GLI2: variants seen among roughly 807,000 people sequenced by gnomAD.
GLI2 encodes GLI family zinc finger 2.
Under a neutral mutation model 78.9 loss-of-function variants are expected in GLI2, and 22 were observed. The ratio of observed to expected loss-of-function variants is 0.28; its 90% confidence interval spans 0.20 to 0.40. GLI2 has a LOEUF of 0.40. GLI2 is among the 10% of genes least tolerant of loss of function. GLI2 has a pLI of 1.00. For missense variants in GLI2, 2,097 were observed against 2,213.2 expected (o/e 0.95, Z 1.05); for synonymous variants, 974 against 963.7 (o/e 1.01, Z -0.20).
chr2:120,790,513 G>T (rs1684119980), intron 1 of GLI2, among the ~76,000 whole-genome samples: 1 of 152,208 alleles, frequency 6.6e-6, no homozygotes, highest in Non-Finnish European at 1.5e-5. Flanking sequence ...ATCCCTGGCT[G>T]GAGTGGTGGA....
At chr2:120,953,857 A>G (rs1681110786) in intron 4 of GLI2, among the ~76,000 whole-genome samples, 1 of 152,192 alleles carries the variant, frequency 6.6e-6, no homozygotes, top group Non-Finnish European at 1.5e-5. Flanking sequence ...TCTCTAAAAA[A>G]AAATTTTAAA....
At chr2:120,753,456 C>T (rs1682939737) in intron 1 of GLI2, among the ~76,000 whole-genome samples, 1 of 152,124 alleles carries the variant, frequency 6.6e-6, no homozygotes, top group Non-Finnish European at 1.5e-5. Context: ...TTTCAATTTT[C>T]ATTTTTTAGC....
intron 2 of GLI2, among the ~76,000 whole-genome samples, chr2:120,870,160 G>A (rs539371032): frequency 1.1e-4 from 17 of 152,284 alleles, no homozygotes; most frequent in Non-Finnish European, 1.0e-4. Flanking sequence ...CACCTGGCCT[G>A]CCACACCCAG....
At chr2:120,798,486 G>C (rs538428932) in intron 2 of GLI2, among the ~76,000 whole-genome samples, 1 of 152,330 alleles carries the variant, frequency 6.6e-6, no homozygotes, top group East Asian at 1.9e-4. Context: ...TCTACGAGTG[G>C]ACCTGAGGGC....
intron 2 of GLI2, among the ~76,000 whole-genome samples, chr2:120,876,028 C>T (rs1325604713): frequency 6.6e-6 from 1 of 152,190 alleles, no homozygotes; most frequent in Non-Finnish European, 1.5e-5. Context: ...AAGTTAAAGC[C>T]ATGCCAAATG....
chr2:120,938,315 A>C (rs1458996621), intron 3 of GLI2, among the ~76,000 whole-genome samples: 2 of 151,958 alleles, frequency 1.3e-5, no homozygotes, highest in Non-Finnish European at 1.5e-5. Flanking sequence ...GCTAGGAAAA[A>C]CGTCTCCCTG....
chr2:120,873,606 T>C (rs1475909102), intron 2 of GLI2, among the ~76,000 whole-genome samples: 1 of 152,202 alleles, frequency 6.6e-6, no homozygotes, highest in Non-Finnish European at 1.5e-5. Flanking sequence ...AGTTTTGACT[T>C]TGCAGACCCC....
In GLI2 at chr2:120,785,251, C is replaced by T. The variant is rs185912966; in HGVS notation, c.-30-12040C>T. 3.6e-3 allele frequency among the ~76,000 whole-genome samples: 547 copies of T among 152,200 alleles called. 3 individuals are homozygous for T. Among genetic ancestry groups the T allele is most frequent in the African/African-American group, 0.013 (523 of 41,550 alleles). The stretch of plus-strand genomic sequence containing the variant: ...TGGGAGAGACTGGACCAGGCAGGAG[C>T]GAGGCTTATCCAGGGCCGGCTTAGC... On this transcript the variant is annotated intron_variant, in intron 1 of 13. Transcript: ENST00000361492.
chr2:120,985,119 C>T (rs1299789712), intron 12 of GLI2, among the ~76,000 whole-genome samples: 1 of 152,224 alleles, frequency 6.6e-6, no homozygotes, highest in Non-Finnish European at 1.5e-5. Flanking sequence ...ACCCCTCTGG[C>T]GTCCACTCCT....
intron 2 of GLI2, among the ~76,000 whole-genome samples, chr2:120,912,157 A>C (rs963163364): frequency 6.6e-6 from 1 of 152,174 alleles, no homozygotes; most frequent in Non-Finnish European, 1.5e-5. Context: ...CGGCCCCGAA[A>C]CACATTGTAT....
intron 1 of GLI2, among the ~76,000 whole-genome samples, chr2:120,790,178 T>C (rs79617063): frequency 6.6e-6 from 1 of 152,148 alleles, no homozygotes; most frequent in South Asian, 2.1e-4. Context: ...CACAGCCTAC[T>C]GGGTACCAGG....
rs1381866348 is a variant in GLI2, at chr2:120,787,468, T to TACTAAGG, written c.-30-9823_-30-9822insACTAAGG. Among the ~76,000 whole-genome samples the TACTAAGG allele has an allele frequency of 4.6e-5, 7 of 152,184 alleles. No individual in the cohort carries two copies. The South Asian group carries it at 1.5e-3, about 32-fold the overall frequency. ...GATTAAGGGGGCCTTGGCATGGGTCTGGGTGCCTGTGGCTCCCGTGTGCCA... is the reference window on the plus strand; with the variant it reads ...GATTAAGGGGGCCTTGGCATGGGTCTACTAAGGGGGTGCCTGTGGCTCCCGTGTGCCA... On this transcript the variant is annotated intron_variant, in intron 1 of 13. Transcript: ENST00000361492.
chr2:120,885,805 C>A (rs1677366098), intron 2 of GLI2, among the ~76,000 whole-genome samples: 1 of 152,198 alleles, frequency 6.6e-6, no homozygotes, highest in South Asian at 2.1e-4. Flanking sequence ...CTGCTAGCAC[C>A]AAACTCCCCT....
At chr2:120,736,349 G>C (rs181770149) in intron 1 of GLI2, 64 bp downstream of exon 1, 1 of 152,204 alleles carries the variant, frequency 6.6e-6, no homozygotes, top group African/African-American at 2.4e-5. Context: ...CCTCGGCCAA[G>C]CGCGGGCCGA....
intron 2 of GLI2, among the ~76,000 whole-genome samples, chr2:120,904,202 C>A (rs1573571399): frequency 6.6e-6 from 1 of 152,164 alleles, no homozygotes; most frequent in Non-Finnish European, 1.5e-5. Context: ...CTGGAAAGAG[C>A]ATTTGGAACA....
At chr2:120,924,441 C>T (rs932485442) in intron 2 of GLI2, among the ~76,000 whole-genome samples, 61 of 152,172 alleles carry the variant, frequency 4.0e-4, no homozygotes, top group Admixed American at 9.2e-4. Context: ...TTGGGCAAGG[C>T]CATGAATCAT....
At chr2:120,982,083 T>G (rs1051103979) in intron 10 of GLI2, among the ~76,000 whole-genome samples, 1 of 151,918 alleles carries the variant, frequency 6.6e-6, no homozygotes, top group African/African-American at 2.4e-5. Flanking sequence ...CCTAAAAGAT[T>G]GAGAGGGAGG....
intron 1 of GLI2, among the ~76,000 whole-genome samples, chr2:120,767,365 C>T (rs1292269170): frequency 9.7e-6 from 1 of 103,058 alleles, no homozygotes; most frequent in Non-Finnish European, 2.0e-5. Flanking sequence ...GCGCTGGGGG[C>T]GGGGGCGGGT....
intron 2 of GLI2, among the ~76,000 whole-genome samples, chr2:120,831,709 G>A (rs1686368316): frequency 6.6e-6 from 1 of 152,156 alleles, no homozygotes; most frequent in Admixed American, 6.5e-5. Context: ...GAAGGGAGGT[G>A]CCTCCTGGTC....
Sources: gnomAD v4.1 joint callset for allele counts (sites outside exome capture counted in the v4.1 genomes callset) on GRCh38, gnomAD v4.1.1 for gene constraint, MANE v1.5 for transcripts, NCBI Gene and HGNC (gene_info 2026-07-23, HGNC 2026-07-21) for gene names.